API5: variants seen among roughly 807,000 people sequenced by gnomAD.
API5 encodes FIF.
In API5, 6 loss-of-function variants were observed where a neutral mutation model predicts 71.9. The ratio of observed to expected loss-of-function variants is 0.08; its 90% confidence interval spans 0.05 to 0.16. The LOEUF is 0.16. API5 is among the 10% of genes least tolerant of loss of function. The pLI is 1.00. For missense variants in API5, 332 were observed against 612.8 expected (o/e 0.54, Z 4.84); for synonymous variants, 189 against 221.3 (o/e 0.85, Z 1.30).
intron 11 of API5, among the ~76,000 whole-genome samples, chr11:43,332,431 C>T (rs1425501155): frequency 6.6e-6 from 1 of 151,956 alleles, no homozygotes; most frequent in African/African-American, 2.4e-5. Flanking sequence ...TGGGGATTCC[C>T]ACAATTTAAC....
Position 43,312,202 on chromosome 11 carries a change from T to A in API5, c.69+6T>A, listed in dbSNP as rs545829680. On this transcript the variant is annotated splice_donor_region_variant and intron_variant, in intron 1 of 13. Coordinates refer to ENST00000531273, the MANE Select transcript of API5 (RefSeq NM_001142930.2). ...CCACGGAGCAAGTGGGCCAGGTGAG[T>A]TGAGTCCCCGGGCGGCCTGCAGGGC... 1 of 1,613,368 alleles carries A rather than the reference T, an allele frequency of 6.2e-7. No homozygotes were observed. Among genetic ancestry groups the A allele is most frequent in the African/African-American group, 1.3e-5 (1 of 75,022 alleles).
chr11:43,313,158 T>C (rs1260185590), intron 1 of API5, among the ~76,000 whole-genome samples: 1 of 151,626 alleles, frequency 6.6e-6, no homozygotes, highest in Non-Finnish European at 1.5e-5. Flanking sequence ...TAATGAAACA[T>C]GTTTGAAGAA....
chr11:43,318,439 A>G, intron 1 of API5: 1 of 1,534,706 alleles, frequency 6.5e-7, no homozygotes, highest in Non-Finnish European at 8.7e-7. Context: ...ATCTCCCCCA[A>G]CTCAAAAATG....
At chr11:43,331,365 A>G (rs958146284) in intron 11 of API5, 6 of 153,132 alleles carry the variant, frequency 3.9e-5, no homozygotes, top group African/African-American at 1.4e-4. Flanking sequence ...ATAAAAAATC[A>G]TTTTAAAAAA....
intron 13 of API5, among the ~76,000 whole-genome samples, chr11:43,337,957 G>T (rs1341931820): frequency 2.0e-5 from 3 of 152,250 alleles, no homozygotes; most frequent in African/African-American, 7.2e-5. Flanking sequence ...ATTGTATACA[G>T]TGTTTTTTAA....
At chr11:43,318,348 G>C in intron 1 of API5, 1 of 1,331,066 alleles carries the variant, frequency 7.5e-7, no homozygotes, top group Non-Finnish European at 1.0e-6. Context: ...CACATGGCCA[G>C]AGTTAATAAT....
chr11:43,331,947 A>G (rs1855272793), intron 11 of API5: 1 of 152,256 alleles, frequency 6.6e-6, no homozygotes, highest in Non-Finnish European at 1.5e-5. Context: ...ATATATAAAA[A>G]TGTGAGATTT....
At chr11:43,328,314 T>C (rs1855142349) in intron 8 of API5, among the ~76,000 whole-genome samples, 1 of 152,216 alleles carries the variant, frequency 6.6e-6, no homozygotes, top group African/African-American at 2.4e-5. Context: ...TCAGAAAATA[T>C]TTTTGTAGTA....
chr11:43,339,380 A>C (rs985630963), intron 13 of API5: 1 of 152,216 alleles, frequency 6.6e-6, no homozygotes, highest in African/African-American at 2.4e-5. Flanking sequence ...AGCTCTCTCT[A>C]TTGTTGCTAA....
At chr11:43,336,047 G>A (rs762383308) in intron 13 of API5, 53 bp downstream of exon 13, 3 of 1,590,470 alleles carry the variant, frequency 1.9e-6, no homozygotes, top group Admixed American at 3.6e-5. Context: ...CAGAAATTGT[G>A]TTATACTTTA....
intron 1 of API5, among the ~76,000 whole-genome samples, chr11:43,312,603 G>T (rs1854517812): frequency 6.6e-6 from 1 of 152,014 alleles, no homozygotes. Context: ...TTTTTGGGGG[G>T]GAGGCAAAAT....
At position 43,322,049 on chromosome 11, in the gene API5, T is replaced by C; in HGVS notation, c.456T>C (p.Ile152=). ...AGGACATTGTTAGAGAACGAGCAAT[T>C]AAATTCCTTTCTACAAAACTTAAGA... ...QGEDIVRERA[I]KFLSTKLKTL... The change falls in exon 5 of 14, where the codon ATT becomes ATC. Residue 152 remains isoleucine (I), a synonymous_variant. Transcript: ENST00000531273. 6.2e-7 allele frequency: 1 copy of C among 1,613,716 alleles called. No individual in the cohort carries two copies. The highest frequency in any genetic ancestry group is 2.2e-5 in the East Asian group (1 of 44,814).
In API5 at chr11:43,330,551, A is replaced by G. The variant is rs764909580; in HGVS notation, c.1265A>G (p.Asn422Ser). 3 of 1,593,542 alleles carry G rather than the reference A, an allele frequency of 1.9e-6. No individual in the cohort carries two copies. The highest frequency in any genetic ancestry group is 2.6e-6 in the Non-Finnish European group (3 of 1,162,154). ...VVALKITNNI[N>S]VLIKDLFHIP... The stretch of plus-strand genomic sequence containing the variant: ...GCATTGAAAATAACAAACAATATCA[A>G]TGTTTTAATCAAGGTAAGTCTGTAA... The change falls in exon 11 of 14, where the codon AAT (asparagine) becomes AGT (serine). Residue 422 changes from asparagine (N) to serine (S), a missense_variant. Coordinates refer to ENST00000531273, the MANE Select transcript of API5 (RefSeq NM_001142930.2).
chr11:43,344,496 T>C lies in API5; in HGVS notation c.*1986T>C, dbSNP rs1429608558. 3.9e-5 allele frequency: 6 copies of C among 152,718 alleles called. No individual in the cohort carries two copies. The East Asian group carries it at 1.2e-3, about 29-fold the overall frequency. 9.5% of individuals were successfully genotyped at this position (152,718 alleles called of 1,614,324 possible). On this transcript the variant is annotated 3_prime_UTR_variant, in exon 14 of 14. Transcript: ENST00000531273. Reference sequence around the variant, plus strand: ...TCTTGTTTAAATGTAAATGTCCCCTTATGCTTTTGAAATAAATTTCCTTTT... The same window carrying C: ...TCTTGTTTAAATGTAAATGTCCCCTCATGCTTTTGAAATAAATTTCCTTTT...
At chr11:43,318,871 A>G in intron 2 of API5, 70 bp downstream of exon 2, 3 of 1,465,052 alleles carry the variant, frequency 2.0e-6, no homozygotes, top group Non-Finnish European at 2.8e-6. Flanking sequence ...CAATTGGAGT[A>G]GCAATCTGAT....
intron 11 of API5, among the ~76,000 whole-genome samples, chr11:43,334,906 C>T (rs1374311604): frequency 6.6e-6 from 1 of 152,264 alleles, no homozygotes; most frequent in East Asian, 1.9e-4. Context: ...TGCAAAAGCA[C>T]ATGCAGATTG....
chr11:43,325,529 T>C (rs184410875), intron 6 of API5, among the ~76,000 whole-genome samples: 1 of 152,314 alleles, frequency 6.6e-6, no homozygotes, highest in African/African-American at 2.4e-5. Flanking sequence ...ATCATCGATA[T>C]CTCAGTTGGT....
At chr11:43,328,635 C>A in intron 8 of API5, 77 bp from the exon 9 acceptor site, 1 of 1,330,656 alleles carries the variant, frequency 7.5e-7, no homozygotes, top group Non-Finnish European at 1.0e-6. Context: ...AAAACATGCA[C>A]TGTAATTCCC....
chr11:43,334,732 G>A (rs1026935027), intron 11 of API5, among the ~76,000 whole-genome samples: 2 of 151,946 alleles, frequency 1.3e-5, no homozygotes, highest in African/African-American at 2.4e-5. Flanking sequence ...AATCTTACAC[G>A]GTTTTTTTTG....
Sources: allele counts gnomAD v4.1 joint callset (sites outside exome capture counted in the v4.1 genomes callset), GRCh38; gene constraint gnomAD v4.1.1; transcripts MANE v1.5; gene names NCBI Gene and HGNC (gene_info 2026-07-23, HGNC 2026-07-21).